Variants in ENTPD7 observed in about 807,000 individuals in gnomAD.
ENTPD7 encodes the protein NTPDase 7.
ENTPD7 carries 53 observed loss-of-function variants against 77.9 expected under a neutral mutation model. That is an observed-to-expected ratio of 0.68 (90% CI 0.55 to 0.85). The LOEUF (loss-of-function observed/expected upper bound fraction) is 0.85, where lower values mean the gene tolerates loss of function less well. ENTPD7 is among the 40% of genes least tolerant of loss of function. The probability of loss-of-function intolerance (pLI) is 0.00; values close to 1 mark genes in which losing one functional copy is unlikely to be tolerated. For missense variants in ENTPD7, 636 were observed against 743.7 expected (o/e 0.86, Z 1.68); for synonymous variants, 248 against 274.9 (o/e 0.90, Z 0.97).
chr10:99,666,539 G>A (rs530279132), intron 3 of ENTPD7, among the ~76,000 whole-genome samples: 1 of 152,208 alleles, frequency 6.6e-6, no homozygotes, highest in Non-Finnish European at 1.5e-5. Flanking sequence ...GCTCACTTTG[G>A]TGGGATTGTG....
intron 3 of ENTPD7, among the ~76,000 whole-genome samples, chr10:99,666,916 TAAGTTGTACCA>T: frequency 6.6e-6 from 1 of 152,340 alleles, no homozygotes; most frequent in South Asian, 2.1e-4. Flanking sequence ...TGAAAAATCA[TAAGTTGTACCA>T]TTGTAAGTCA....
chr10:99,679,547 C>T (rs1208431121), intron 4 of ENTPD7, 81 bp downstream of exon 4: 3 of 1,478,776 alleles, frequency 2.0e-6, no homozygotes, highest in Non-Finnish European at 9.0e-7. Context: ...GCAAGCTACC[C>T]CTTTCTTCTT....
At chr10:99,701,200 G>T in intron 11 of ENTPD7, 142 bp downstream of exon 11, 1 of 725,830 alleles carries the variant, frequency 1.4e-6, no homozygotes, top group Non-Finnish European at 2.3e-6. Context: ...CAGGGATAGG[G>T]GCCAAAATAG....
intron 5 of ENTPD7, among the ~76,000 whole-genome samples, chr10:99,685,511 C>A (rs1047289803): frequency 6.6e-6 from 1 of 152,122 alleles, no homozygotes; most frequent in Non-Finnish European, 1.5e-5. Flanking sequence ...GTCATAGAAC[C>A]GTAGTCTCAT....
chr10:99,670,345 G>T (rs1160504621), intron 3 of ENTPD7, among the ~76,000 whole-genome samples: 2 of 152,234 alleles, frequency 1.3e-5, no homozygotes, highest in Non-Finnish European at 2.9e-5. Context: ...TGCAGATAGA[G>T]AACATTTTCA....
In ENTPD7 at chr10:99,708,092, T is replaced by G. The variant is rs2036288083; in HGVS notation, c.*3409T>G. Among the ~76,000 whole-genome samples the G allele has an allele frequency of 6.6e-6, 1 of 152,134 alleles. No homozygotes were observed. Among genetic ancestry groups the G allele is most frequent in the Non-Finnish European group, 1.5e-5 (1 of 68,012 alleles). On this transcript the variant is annotated 3_prime_UTR_variant, in exon 13 of 13. Coordinates refer to ENST00000370489, the MANE Select transcript of ENTPD7 (RefSeq NM_020354.5). ...TAGTAGTCCACAGTGTCTATTCTGG[T>G]CTGGGAAATTTTCATCACTTTCCAC...
At chr10:99,686,207 T>C (rs1420635017) in intron 6 of ENTPD7, among the ~76,000 whole-genome samples, 2 of 152,182 alleles carry the variant, frequency 1.3e-5, no homozygotes, top group Non-Finnish European at 2.9e-5. Flanking sequence ...TGAAAACATA[T>C]ATAGTTCTAG....
Position 99,674,588 on chromosome 10 carries a change from A to G in ENTPD7, c.192-4673A>G, listed in dbSNP as rs528377793. Among the ~76,000 whole-genome samples the G allele has an allele frequency of 3.3e-5, 5 of 152,370 alleles. No individual in the cohort carries two copies. The South Asian group carries it at 1.0e-3, about 32-fold the overall frequency. ...GTGCCTGGCTTACTTACTTAGCGTA[A>G]TATCCTGAAGATTCATCTGTGTTGT... On this transcript the variant is annotated intron_variant, in intron 3 of 12. Coordinates refer to ENST00000370489, the MANE Select transcript of ENTPD7 (RefSeq NM_020354.5).
intron 5 of ENTPD7, among the ~76,000 whole-genome samples, chr10:99,685,113 C>T (rs377439237): frequency 3.9e-5 from 6 of 152,030 alleles, no homozygotes; most frequent in African/African-American, 9.7e-5. Flanking sequence ...CAAAATTAGC[C>T]GGGTGTGGTG....
chr10:99,659,671 C>T lies in ENTPD7; in HGVS notation c.-96+83C>T. 1 of 318,818 alleles carries T rather than the reference C, an allele frequency of 3.1e-6. No homozygotes were observed. Among genetic ancestry groups the T allele is most frequent in the Non-Finnish European group, 5.8e-6 (1 of 172,504 alleles). 19.7% of individuals were successfully genotyped at this position (318,818 alleles called of 1,614,324 possible). ...CCCACACCCCGCCACCTGGGGACGA[C>T]CGGTTCCTAGAGGACAGAGCTGGCC... On this transcript the variant is annotated intron_variant, in intron 1 of 12. Transcript: ENST00000370489. The surrounding 1 kb of genome is among the most constrained non-coding windows in gnomAD (Gnocchi z 4.1).
intron 5 of ENTPD7, 66 bp downstream of exon 5, chr10:99,679,941 C>T: frequency 6.5e-7 from 1 of 1,541,276 alleles, no homozygotes. Context: ...CAGTTTCATG[C>T]ACTGTCCTCT....
Position 99,699,545 on chromosome 10 carries a change from C to T in ENTPD7, c.1335+687C>T, listed in dbSNP as rs377577645. ...GTCTCTATCTTTTTCATCAGAGAAA[C>T]GAATGGGAGAATCTGTCCTCATATT... On this transcript the variant is annotated intron_variant, in intron 10 of 12. Coordinates refer to ENST00000370489, the MANE Select transcript of ENTPD7 (RefSeq NM_020354.5). 5.9e-5 allele frequency among the ~76,000 whole-genome samples: 9 copies of T among 152,226 alleles called. No individual in the cohort carries two copies. The East Asian group carries it at 1.5e-3, about 26-fold the overall frequency.
At chr10:99,663,254 A>AT (rs919873484) in intron 3 of ENTPD7, among the ~76,000 whole-genome samples, 56 of 151,854 alleles carry the variant, frequency 3.7e-4, no homozygotes, top group African/African-American at 1.3e-3. Context: ...TAGGTTGATC[A>AT]TTTTTTTTCC....
intron 5 of ENTPD7, among the ~76,000 whole-genome samples, chr10:99,681,081 G>C (rs1427483808): frequency 6.6e-6 from 1 of 152,078 alleles, no homozygotes; most frequent in African/African-American, 2.4e-5. Flanking sequence ...GTATTCCACT[G>C]TGTGTATGTA....
intron 10 of ENTPD7, among the ~76,000 whole-genome samples, chr10:99,700,414 A>ATGTGTG (rs66525481): frequency 4.1e-4 from 4 of 9,792 alleles, no homozygotes; most frequent in African/African-American, 1.3e-3. Flanking sequence ...GTGTGTGTGT[A>ATGTGTG]TGTGTGTGTG....
intron 3 of ENTPD7, among the ~76,000 whole-genome samples, chr10:99,672,850 G>A (rs1402889083): frequency 1.3e-5 from 2 of 152,118 alleles, no homozygotes; most frequent in African/African-American, 4.8e-5. Flanking sequence ...TACTCATGGG[G>A]GCTACTTCAA....
chr10:99,659,833 G>A lies in ENTPD7; in HGVS notation c.-95-29G>A, dbSNP rs1193760310. 6 of 1,409,514 alleles carry A rather than the reference G, an allele frequency of 4.3e-6. No homozygotes were observed. In the Admixed American group the frequency reaches 9.8e-5, roughly 23 times the overall value. The allele number at this position is 1,409,514 out of a possible 1,614,324, so 87.3% of individuals were successfully genotyped here. On this transcript the variant is annotated intron_variant, in intron 1 of 12. Coordinates refer to ENST00000370489, the MANE Select transcript of ENTPD7 (RefSeq NM_020354.5). The surrounding 1 kb of genome is among the most constrained non-coding windows in gnomAD (Gnocchi z 4.1). ...CAGGTTTGTCTCGTGGGCTCAGTCG[G>A]ACAGAAGCCTGAAATCAAATCTTTC... is the stretch of plus-strand genomic sequence containing the variant.
chr10:99,688,641 T>TA (rs1278792991), intron 6 of ENTPD7, 53 bp from the exon 7 acceptor site: 1 of 1,575,406 alleles, frequency 6.3e-7, no homozygotes, highest in South Asian at 1.1e-5. Context: ...GAGAGGTGTA[T>TA]ACATGGCATA....
intron 5 of ENTPD7, among the ~76,000 whole-genome samples, chr10:99,680,778 T>C (rs775301277): frequency 6.6e-6 from 1 of 152,072 alleles, no homozygotes; most frequent in Non-Finnish European, 1.5e-5. Flanking sequence ...GGTTTCACCA[T>C]GTTGCCCAGG....
Sources: gnomAD v4.1 joint callset for allele counts (sites outside exome capture counted in the v4.1 genomes callset) on GRCh38, gnomAD v4.1.1 for gene constraint, Gnocchi (gnomAD v3.1) non-coding constraint, MANE v1.5 for transcripts, NCBI Gene and HGNC (gene_info 2026-07-23, HGNC 2026-07-21) for gene names.